The following KIRREL3 variants were observed in gnomAD, a reference collection of about 807,000 sequenced individuals.
The protein encoded by KIRREL3 is kirre like nephrin family adhesion molecule 3, also known as kin of IRRE-like protein 3.
Under a neutral mutation model 89.7 loss-of-function variants are expected in KIRREL3, and 36 were observed. The observed-to-expected ratio is 0.40, with a 90% confidence interval of 0.31 to 0.53. The LOEUF (loss-of-function observed/expected upper bound fraction) is 0.53. KIRREL3 is among the 20% of genes least tolerant of loss of function. KIRREL3 has a pLI of 0.49. For synonymous variants in KIRREL3, 445 were observed against 441.4 expected, an observed-to-expected ratio of 1.01 and a Z score of -0.10; for missense variants, 864 against 1,056.6, an observed-to-expected ratio of 0.82 and a Z score of 2.53.
chr11:126,852,045 T>A (rs1224518444), intron 1 of KIRREL3, among the ~76,000 whole-genome samples: 4 of 120,956 alleles, frequency 3.3e-5, no homozygotes, highest in African/African-American at 1.2e-4. Flanking sequence ...GTTGGGGCTA[T>A]AACCTTTTTT....
Position 126,571,180 on chromosome 11 carries a change from T to C in KIRREL3, c.56-8268A>G, listed in dbSNP as rs896911283. Among the ~76,000 whole-genome samples the C allele has an allele frequency of 1.3e-5, 2 of 152,228 alleles. No homozygotes were observed. The highest frequency in any genetic ancestry group is 2.4e-5 in the African/African-American group (1 of 41,460). On this transcript the variant is annotated intron_variant, in intron 1 of 16. Transcript: ENST00000525144. The surrounding 1 kb of genome is among the most constrained non-coding windows in gnomAD (Gnocchi z 7.7). ...AGTCTCAGCCCTTTGGGCTGGCTTT[T>C]TGATACCTTGCCTAGCTCTTATCAT...
Position 126,923,196 on chromosome 11 carries a change from T to TTCTCC in KIRREL3, c.55+77258_55+77259insGGAGA, listed in dbSNP as rs1565423232. Among the ~76,000 whole-genome samples, 13 of 9,340 alleles carry TTCTCC rather than the reference T, an allele frequency of 1.4e-3. 4 individuals carry two copies. The highest frequency in any genetic ancestry group is 1.1e-3 in the Admixed American group (1 of 936). 6.1% of individuals were successfully genotyped at this position (9,340 alleles called of 152,430 possible). On this transcript the variant is annotated intron_variant, in intron 1 of 16. Transcript: ENST00000525144. ...TTCTTCTCTTCTTCTTCTCTTCTTC[T>TTCTCC]TCTTCTTCTTCTTCTTCTTCTTCTT...
chr11:126,435,190 C>G (rs192729804), intron 13 of KIRREL3, 78 bp downstream of exon 13: 2 of 1,485,784 alleles, frequency 1.3e-6, no homozygotes, highest in Middle Eastern at 1.7e-4. Flanking sequence ...TCCCTACCCC[C>G]TGCTGGGTTC....
chr11:126,434,367 C>G (rs35879271), intron 13 of KIRREL3, among the ~76,000 whole-genome samples: 3 of 152,164 alleles, frequency 2.0e-5, no homozygotes, highest in Non-Finnish European at 4.4e-5. Context: ...AGCATGGACC[C>G]GGGGAGAAGG....
At chr11:126,921,454 T>TCTTC (rs1947284064) in intron 1 of KIRREL3, among the ~76,000 whole-genome samples, 2 of 150,688 alleles carry the variant, frequency 1.3e-5, no homozygotes, top group African/African-American at 2.4e-5. Context: ...TATCTTCCTA[T>TCTTC]CTATCTACCT....
chr11:126,655,260 G>A lies in KIRREL3; in HGVS notation c.56-92348C>T, dbSNP rs1591888768. 6.6e-6 allele frequency among the ~76,000 whole-genome samples: 1 copy of A among 152,214 alleles called. No individual in the cohort carries two copies. The highest frequency in any genetic ancestry group is 1.5e-5 in the Non-Finnish European group (1 of 68,024). On this transcript the variant is annotated intron_variant, in intron 1 of 16. Coordinates refer to ENST00000525144, the MANE Select transcript of KIRREL3 (RefSeq NM_032531.4). The surrounding 1 kb of genome is among the most constrained non-coding windows in gnomAD (Gnocchi z 5.0). ...CAAAGCCTCACCCAGGAGAGCTCTCGCTGTTGCCTGCTTTTATCTGGAAAA... is the reference window on the plus strand; with the variant it reads ...CAAAGCCTCACCCAGGAGAGCTCTCACTGTTGCCTGCTTTTATCTGGAAAA...
intron 1 of KIRREL3, among the ~76,000 whole-genome samples, chr11:126,871,254 T>C (rs1039060778): frequency 6.6e-6 from 1 of 152,086 alleles, no homozygotes; most frequent in African/African-American, 2.4e-5. Context: ...TCACCGCTCA[T>C]AAAGAACTTC....
rs1246765425 is a variant in KIRREL3 at position 126,923,129 on chromosome 11, C to CTCCTCCTTCTTCTTCT, written c.55+77325_55+77326insAGAAGAAGAAGGAGGA. Among the ~76,000 whole-genome samples the CTCCTCCTTCTTCTTCT allele has an allele frequency of 1.4e-3, 37 of 25,738 alleles. 7 individuals are homozygous for CTCCTCCTTCTTCTTCT. The highest frequency in any genetic ancestry group is 5.2e-3 in the African/African-American group (27 of 5,164). The allele number at this position is 25,738 out of a possible 152,430, so 16.9% of individuals were successfully genotyped here. A position where few individuals can be genotyped will look rare whatever the true frequency, so the allele number is the denominator to read the frequency against. On this transcript the variant is annotated intron_variant, in intron 1 of 16. Coordinates refer to ENST00000525144, the MANE Select transcript of KIRREL3 (RefSeq NM_032531.4). ...CCTTCTCCTTCTCCTTCTCCTTCTT[C>CTCCTCCTTCTTCTTCT]TCTTCTTCTTCTTCTTCTTCTTCTT...
At chr11:126,841,715 A>G (rs1156569205) in intron 1 of KIRREL3, among the ~76,000 whole-genome samples, 5 of 152,222 alleles carry the variant, frequency 3.3e-5, no homozygotes, top group African/African-American at 1.2e-4. Context: ...GAGACTTATT[A>G]GCTCCTGTGC....
At chr11:126,758,822 C>T (rs1949584547) in intron 1 of KIRREL3, among the ~76,000 whole-genome samples, 1 of 152,184 alleles carries the variant, frequency 6.6e-6, no homozygotes, top group African/African-American at 2.4e-5. Flanking sequence ...GCTTCCGTAG[C>T]AGAAAAAGCT....
intron 2 of KIRREL3, among the ~76,000 whole-genome samples, chr11:126,560,401 A>C (rs951518231): frequency 2.6e-5 from 4 of 152,174 alleles, no homozygotes; most frequent in African/African-American, 9.6e-5. Context: ...ATTGACTATC[A>C]CGTGCCTCCT....
rs115774225 is a variant in KIRREL3 at position 126,769,193 on chromosome 11, T to G, written c.56-206281A>C. Among the ~76,000 whole-genome samples, 811 of 152,288 alleles carry G rather than the reference T, an allele frequency of 5.3e-3. 8 individuals carry two copies. The highest frequency in any genetic ancestry group is 0.018 in the African/African-American group (756 of 41,558). On this transcript the variant is annotated intron_variant, in intron 1 of 16. Transcript: ENST00000525144. The surrounding 1 kb of genome is among the most constrained non-coding windows in gnomAD (Gnocchi z 4.3). ...CACTGCTTTCCCTTCCTCCTACGCT[T>G]TCAACACATCTCTAATATGGCACAC...
chr11:126,518,955 G>T (rs556059945), intron 4 of KIRREL3, among the ~76,000 whole-genome samples: 1 of 152,260 alleles, frequency 6.6e-6, no homozygotes, highest in Non-Finnish European at 1.5e-5. Context: ...AGTTTGCTCA[G>T]GATGAATGGT....
At position 126,755,823 on chromosome 11, in the gene KIRREL3, C is replaced by CAGAG. The variant is rs10616492; in HGVS notation, c.56-192915_56-192912dup. ...GCGTGCTCGCCATCTGCCATTCAGGCAGAGAGAGAGAGAGAGAGAGAGAGA... is the reference window on the plus strand; with the variant it reads ...GCGTGCTCGCCATCTGCCATTCAGGCAGAGAGAGAGAGAGAGAGAGAGAGAGAGA... On this transcript the variant is annotated intron_variant, in intron 1 of 16. Coordinates refer to ENST00000525144, the MANE Select transcript of KIRREL3 (RefSeq NM_032531.4). This position sits in a 1 kb window ranked among gnomAD's most constrained non-coding sequence, Gnocchi z 4.3. 1.4e-4 allele frequency among the ~76,000 whole-genome samples: 20 copies of CAGAG among 148,032 alleles called. No individual in the cohort carries two copies. Among genetic ancestry groups the CAGAG allele is most frequent in the South Asian group, 2.2e-4 (1 of 4,570 alleles).
intron 1 of KIRREL3, among the ~76,000 whole-genome samples, chr11:126,847,692 C>T (rs549909393): frequency 1.4e-4 from 22 of 152,172 alleles, no homozygotes; most frequent in African/African-American, 4.8e-4. Flanking sequence ...TAAAACATTG[C>T]TAATCCTTTG....
Position 126,768,179 on chromosome 11 carries a change from ATCCATCC to A in KIRREL3, c.56-205274_56-205268del, listed in dbSNP as rs1949902247. 3.6e-5 allele frequency among the ~76,000 whole-genome samples: 2 copies of A among 55,356 alleles called. No homozygotes were observed. Among genetic ancestry groups the A allele is most frequent in the African/African-American group, 6.8e-5 (1 of 14,670 alleles). 36.3% of individuals were successfully genotyped at this position (55,356 alleles called of 152,430 possible). A position where few individuals can be genotyped will look rare whatever the true frequency, so the allele number is the denominator to read the frequency against. The stretch of plus-strand genomic sequence containing the variant: ...ATCCATCCATCCATCCAATCCATCC[ATCCATCC>A]ATCCATCCATCCATCCATCCATCCA... On this transcript the variant is annotated intron_variant, in intron 1 of 16. Coordinates refer to ENST00000525144, the MANE Select transcript of KIRREL3 (RefSeq NM_032531.4). This position sits in a 1 kb window ranked among gnomAD's most constrained non-coding sequence, Gnocchi z 4.5.
At chr11:126,938,836 T>C (rs1424256789) in intron 1 of KIRREL3, among the ~76,000 whole-genome samples, 11 of 152,170 alleles carry the variant, frequency 7.2e-5, no homozygotes, top group Admixed American at 5.2e-4. Flanking sequence ...CTACAGGATA[T>C]GTGAGATCAG....
chr11:126,974,654 T>C (rs685726), intron 1 of KIRREL3, among the ~76,000 whole-genome samples: 54 of 140,178 alleles, frequency 3.9e-4, no homozygotes, highest in South Asian at 7.1e-4. Flanking sequence ...TGGTATAGCC[T>C]GTTACACACC....
rs530071664 is a variant in KIRREL3 at position 126,954,144 on chromosome 11, G to C, written c.55+46311C>G. ...CTTGAGATTTCCAAATGAGTGAGGT[G>C]GGGGGTGGTATTGAGGTATTGAGGT... On this transcript the variant is annotated intron_variant, in intron 1 of 16. Coordinates refer to ENST00000525144, the MANE Select transcript of KIRREL3 (RefSeq NM_032531.4). The surrounding 1 kb of genome is among the most constrained non-coding windows in gnomAD (Gnocchi z 4.1). Among the ~76,000 whole-genome samples, 5 of 151,890 alleles carry C rather than the reference G, an allele frequency of 3.3e-5. No homozygotes were observed. The highest frequency in any genetic ancestry group is 5.9e-5 in the Non-Finnish European group (4 of 67,990).
Sources: allele counts gnomAD v4.1 joint callset (sites outside exome capture counted in the v4.1 genomes callset), GRCh38; gene constraint gnomAD v4.1.1; non-coding constraint Gnocchi (gnomAD v3.1); transcripts MANE v1.5; gene names NCBI Gene and HGNC (gene_info 2026-07-23, HGNC 2026-07-21).